EML1: variants seen among roughly 807,000 people sequenced by gnomAD.
The protein encoded by EML1 is echinoderm microtubule-associated protein-like 1.
EML1 carries 27 observed loss-of-function variants against 110.4 expected under a neutral mutation model. The ratio of observed to expected loss-of-function variants is 0.24; its 90% CI spans 0.18 to 0.34. The LOEUF (loss-of-function observed/expected upper bound fraction) is 0.34. EML1 is among the 10% of genes least tolerant of loss of function. The pLI is 1.00. For missense variants in EML1, 741 were observed against 1,030.9 expected (o/e 0.72, Z 3.85); for synonymous variants, 344 against 385.8 (o/e 0.89, Z 1.27).
chr14:99,738,164 C>T (rs540875005), intron 1 of EML1, among the ~76,000 whole-genome samples: 8 of 152,324 alleles, frequency 5.3e-5, no homozygotes, highest in South Asian at 2.1e-4. Flanking sequence ...GGGGCTGCGA[C>T]GGGACCCATG....
chr14:99,853,501 G>A (rs2058848574), intron 2 of EML1, among the ~76,000 whole-genome samples: 1 of 152,264 alleles, frequency 6.6e-6, no homozygotes, highest in South Asian at 2.1e-4. Flanking sequence ...CCACACCTCT[G>A]TCTGTCTTTA....
At chr14:99,859,031 A>T (rs2058955089) in intron 2 of EML1, among the ~76,000 whole-genome samples, 1 of 152,232 alleles carries the variant, frequency 6.6e-6, no homozygotes, top group Admixed American at 6.5e-5. Flanking sequence ...AAAATGCATT[A>T]GTAGATTTGG....
At chr14:99,835,872 ACT>A (rs1396771581) in intron 1 of EML1, among the ~76,000 whole-genome samples, 3 of 151,872 alleles carry the variant, frequency 2.0e-5, no homozygotes, top group Non-Finnish European at 4.4e-5. Flanking sequence ...CTATTTCTGG[ACT>A]CTCTGTTCCA....
chr14:99,788,613 G>C (rs1255461419), upstream of EML1, among the ~76,000 whole-genome samples: 1 of 152,056 alleles, frequency 6.6e-6, no homozygotes, highest in Non-Finnish European at 1.5e-5. Flanking sequence ...CATGGAGACT[G>C]TAAAATATCT....
upstream of EML1, among the ~76,000 whole-genome samples, chr14:99,788,967 TG>T (rs1400023557): frequency 1.3e-5 from 2 of 152,158 alleles, no homozygotes; most frequent in African/African-American, 4.8e-5. Flanking sequence ...TCTTGATACA[TG>T]CTGATAGCAT....
intron 17 of EML1, among the ~76,000 whole-genome samples, chr14:99,929,040 A>G (rs1466006930): frequency 6.6e-6 from 1 of 152,244 alleles, no homozygotes; most frequent in African/African-American, 2.4e-5. Context: ...CTAGAAAGCC[A>G]TCTGATACCT....
At chr14:99,919,360 T>G (rs2060088045) in intron 16 of EML1, among the ~76,000 whole-genome samples, 1 of 151,696 alleles carries the variant, frequency 6.6e-6, no homozygotes, top group Admixed American at 6.6e-5. Context: ...TTGGGCTCCA[T>G]GTAGCCAACA....
chr14:99,768,715 G>A (rs2057392013), upstream of EML1, among the ~76,000 whole-genome samples: 1 of 150,198 alleles, frequency 6.7e-6, no homozygotes, highest in African/African-American at 2.5e-5. Context: ...TGCTTCTGTG[G>A]TCTTTTTTTT....
chr14:99,824,547 C>CGG (rs1595344794), intron 1 of EML1, among the ~76,000 whole-genome samples: 1 of 151,950 alleles, frequency 6.6e-6, no homozygotes, highest in African/African-American at 2.4e-5. Flanking sequence ...TAATTGGCCT[C>CGG]AACACAGTAA....
chr14:99,811,259 C>T (rs1484821717), intron 1 of EML1, among the ~76,000 whole-genome samples: 1 of 147,622 alleles, frequency 6.8e-6, no homozygotes, highest in Non-Finnish European at 1.5e-5. Context: ...CAGCTCACTG[C>T]AGCCTTGACT....
intron 1 of EML1, among the ~76,000 whole-genome samples, chr14:99,811,686 C>T (rs1188459918): frequency 2.0e-5 from 3 of 149,936 alleles, no homozygotes; most frequent in Non-Finnish European, 4.4e-5. Context: ...TGGCACGAAC[C>T]TATAGTCCCA....
chr14:99,785,299 C>A (rs1283751629), intron 1 of EML1, among the ~76,000 whole-genome samples: 1 of 152,202 alleles, frequency 6.6e-6, no homozygotes, highest in Non-Finnish European at 1.5e-5. Flanking sequence ...AGGTGATCCA[C>A]CTGCCTTGGC....
rs928193159 is a variant in EML1 at position 99,878,553 on chromosome 14, C to G, written c.452C>G (p.Ser151Cys). The G allele has an allele frequency of 6.2e-7, 1 of 1,614,058 alleles. No individual in the cohort carries two copies. The highest frequency in any genetic ancestry group is 8.5e-7 in the Non-Finnish European group (1 of 1,180,002). The change falls in exon 4 of 22, where the codon TCC becomes TGC. Residue 151 changes from serine to cysteine, a missense_variant. Around this residue, in one of 4 missense-constraint regions of EML1, gnomAD observed 226 missense variants for 255.6 expected, o/e 0.88. Coordinates refer to ENST00000262233, the MANE Select transcript of EML1 (RefSeq NM_004434.3). The stretch of plus-strand genomic sequence containing the variant: ...GGTCGAAGGGAAAGCAATGGGGATT[C>G]CAGAGGAAACCGGAATCGCACAGGC... ...PGGRRESNGD[S>C]RGNRNRTGST...
intron 1 of EML1, among the ~76,000 whole-genome samples, chr14:99,844,476 CAA>C (rs71113228): frequency 0.25 from 33,772 of 136,108 alleles, 4,045 homozygotes; most frequent in Non-Finnish European, 0.3. Flanking sequence ...GAGACTTTGT[CAA>C]AAAAAAAAAA....
At chr14:99,875,606 G>GC (rs762569763) in intron 3 of EML1, among the ~76,000 whole-genome samples, 2 of 152,084 alleles carry the variant, frequency 1.3e-5, no homozygotes, top group Non-Finnish European at 1.5e-5. Context: ...CCACAAGGAC[G>GC]CCCCAGAAGC....
intron 1 of EML1, among the ~76,000 whole-genome samples, chr14:99,778,623 G>A (rs987556134): frequency 2.6e-5 from 4 of 152,062 alleles, no homozygotes; most frequent in Non-Finnish European, 4.4e-5. Flanking sequence ...CCTCGTTTTG[G>A]TGAAGCACAT....
intron 1 of EML1, among the ~76,000 whole-genome samples, chr14:99,812,821 ACTTTT>A (rs2058104460): frequency 6.6e-6 from 1 of 152,270 alleles, no homozygotes; most frequent in South Asian, 2.1e-4. Context: ...GGTGCAATTT[ACTTTT>A]CTTTAGCTGA....
intron 1 of EML1, among the ~76,000 whole-genome samples, chr14:99,828,579 C>T (rs922326885): frequency 2.6e-5 from 4 of 152,064 alleles, no homozygotes; most frequent in Non-Finnish European, 5.9e-5. Context: ...AATTAAACAT[C>T]ATCATAGGTC....
At chr14:99,742,344 C>G (rs1331295557) in intron 1 of EML1, among the ~76,000 whole-genome samples, 1 of 152,156 alleles carries the variant, frequency 6.6e-6, no homozygotes, top group Non-Finnish European at 1.5e-5. Context: ...CCAGTTCATC[C>G]CTTGGGGATA....
Sources: gnomAD v4.1 joint callset for allele counts (sites outside exome capture counted in the v4.1 genomes callset) on GRCh38, gnomAD v4.1.1 for gene constraint, gnomAD v4.1.1 regional missense constraint, MANE v1.5 for transcripts, NCBI Gene and HGNC (gene_info 2026-07-23, HGNC 2026-07-21) for gene names.